Variants in LRBA observed in about 807,000 individuals in gnomAD.
LRBA encodes the protein LPS responsive beige-like anchor protein.
LRBA carries 176 observed loss-of-function variants against 330.0 expected under a neutral mutation model. The ratio of observed to expected loss-of-function variants is 0.53; its 90% CI spans 0.47 to 0.60. The LOEUF is 0.60. LRBA is among the 20% of genes least tolerant of loss of function. The pLI is 0.00. For missense variants in LRBA, 3,259 were observed against 3,444.8 expected (o/e 0.95, Z 1.35); for synonymous variants, 1,230 against 1,193.0 (o/e 1.03, Z -0.64).
chr4:150,820,307 A>G (rs182303531), intron 30 of LRBA, among the ~76,000 whole-genome samples: 1 of 152,134 alleles, frequency 6.6e-6, no homozygotes. Context: ...ACCTTTCTTA[A>G]AACTTCAGAG....
intron 17 of LRBA, among the ~76,000 whole-genome samples, chr4:150,878,133 G>A (rs188936666): frequency 6.6e-6 from 1 of 151,422 alleles, no homozygotes; most frequent in Non-Finnish European, 1.5e-5. Flanking sequence ...AGGAGTTCTG[G>A]ACCAGCCTGG....
At chr4:150,782,517 TGGCTTG>T in intron 34 of LRBA, among the ~76,000 whole-genome samples, 1 of 152,190 alleles carries the variant, frequency 6.6e-6, no homozygotes, top group African/African-American at 2.4e-5. Context: ...CAGCATTCCT[TGGCTTG>T]TGGCCAAAGA....
chr4:150,738,345 T>G (rs1017689178), intron 35 of LRBA, among the ~76,000 whole-genome samples: 1 of 152,114 alleles, frequency 6.6e-6, no homozygotes, highest in African/African-American at 2.4e-5. Context: ...TAAGCTGTGT[T>G]TGTCTGTTTA....
intron 40 of LRBA, among the ~76,000 whole-genome samples, chr4:150,586,466 T>C (rs914489496): frequency 6.6e-6 from 1 of 152,126 alleles, no homozygotes; most frequent in Non-Finnish European, 1.5e-5. Context: ...CCTTAAAGCA[T>C]TAACATCTAT....
intron 34 of LRBA, among the ~76,000 whole-genome samples, chr4:150,781,121 C>T (rs964948436): frequency 4.6e-5 from 7 of 152,192 alleles, no homozygotes; most frequent in East Asian, 1.9e-4. Flanking sequence ...CCTCATGATC[C>T]GCCTGCCTCG....
At chr4:150,296,293 C>A (rs1728965280) in intron 53 of LRBA, among the ~76,000 whole-genome samples, 1 of 152,108 alleles carries the variant, frequency 6.6e-6, no homozygotes, top group Non-Finnish European at 1.5e-5. Context: ...GGCAGTCTCT[C>A]AGTTGTGCAA....
chr4:150,383,372 A>G (rs1742574082), intron 47 of LRBA, among the ~76,000 whole-genome samples: 1 of 152,030 alleles, frequency 6.6e-6, no homozygotes, highest in South Asian at 2.1e-4. Flanking sequence ...TCAGCCTCCC[A>G]AGTAGCTGGG....
intron 44 of LRBA, among the ~76,000 whole-genome samples, 175 bp from the exon 45 acceptor site, chr4:150,437,039 G>A (rs934779030): frequency 6.6e-6 from 1 of 152,028 alleles, no homozygotes; most frequent in African/African-American, 2.4e-5. Flanking sequence ...TTTCCAACAA[G>A]TTAAACACAA....
At chr4:150,453,137 T>C (rs1753598468) in intron 44 of LRBA, among the ~76,000 whole-genome samples, 1 of 152,094 alleles carries the variant, frequency 6.6e-6, no homozygotes, top group Admixed American at 6.6e-5. Context: ...GATCTACAGA[T>C]TGAATGCAAT....
intron 47 of LRBA, among the ~76,000 whole-genome samples, chr4:150,413,695 G>A (rs1747335310): frequency 6.6e-6 from 1 of 152,158 alleles, no homozygotes; most frequent in Admixed American, 6.5e-5. Flanking sequence ...CTGGAATGTA[G>A]TGGCAGTTAC....
At chr4:150,947,226 C>CAAAAAAAAAAAAAAAA (rs543016036) in intron 2 of LRBA, among the ~76,000 whole-genome samples, 1 of 126,970 alleles carries the variant, frequency 7.9e-6, no homozygotes, top group African/African-American at 2.9e-5. Context: ...AAGACAGTAC[C>CAAAAAAAAAAAAAAAA]AAAAAAAAAA....
intron 53 of LRBA, among the ~76,000 whole-genome samples, chr4:150,297,947 C>G (rs1560979974): frequency 6.6e-6 from 1 of 151,804 alleles, no homozygotes; most frequent in South Asian, 2.1e-4. Context: ...CATACCTTGA[C>G]ATTTGTGACC....
chr4:150,315,246 C>T, intron 51 of LRBA: 1 of 394,718 alleles, frequency 2.5e-6, no homozygotes, highest in Non-Finnish European at 4.6e-6. Context: ...TGCTCATCAA[C>T]AAGTCTGAGT....
chr4:150,545,204 G>A (rs1173770195), intron 40 of LRBA, among the ~76,000 whole-genome samples: 1 of 152,068 alleles, frequency 6.6e-6, no homozygotes, highest in East Asian at 1.9e-4. Context: ...GGTAATCTCA[G>A]TTAAAAATAA....
chr4:150,651,441 A>G (rs560929023), intron 37 of LRBA, among the ~76,000 whole-genome samples: 10 of 152,310 alleles, frequency 6.6e-5, no homozygotes, highest in Middle Eastern at 3.4e-3. Flanking sequence ...ATGAAAATAT[A>G]TATTTGGTGA....
At chr4:150,715,993 T>C (rs945698863) in intron 36 of LRBA, among the ~76,000 whole-genome samples, 5 of 152,164 alleles carry the variant, frequency 3.3e-5, no homozygotes, top group African/African-American at 1.2e-4. Context: ...CAAATATGAT[T>C]TGGAGTCTGA....
intron 26 of LRBA, among the ~76,000 whole-genome samples, chr4:150,846,264 CT>C (rs2126893354): frequency 6.6e-6 from 1 of 152,030 alleles, no homozygotes; most frequent in East Asian, 1.9e-4. Context: ...GCGGTGGGGG[CT>C]CACATCTGTA....
intron 33 of LRBA, among the ~76,000 whole-genome samples, chr4:150,803,115 TAC>T (rs1441933246): frequency 2.1e-5 from 3 of 143,318 alleles, no homozygotes; most frequent in Non-Finnish European, 4.5e-5. Context: ...CACACATATA[TAC>T]ACACACAAAT....
intron 40 of LRBA, among the ~76,000 whole-genome samples, chr4:150,503,717 G>A (rs1184073229): frequency 5.3e-5 from 8 of 152,176 alleles, no homozygotes; most frequent in East Asian, 3.9e-4. Context: ...AGCTCCTCAC[G>A]AGCAACGGAA....
Sources: gnomAD v4.1 joint callset for allele counts (sites outside exome capture counted in the v4.1 genomes callset) on GRCh38, gnomAD v4.1.1 for gene constraint, MANE v1.5 for transcripts, NCBI Gene and HGNC (gene_info 2026-07-23, HGNC 2026-07-21) for gene names.